Variants in STPG2 observed in about 807,000 individuals in gnomAD.
The protein encoded by STPG2 is sperm tail PG-rich repeat containing 2, also known as sperm-tail PG-rich repeat-containing protein 2.
A neutral mutation model predicts 54.2 loss-of-function variants in STPG2; 56 were observed. The observed-to-expected ratio is 1.03, with a 90% confidence interval of 0.83 to 1.29. The LOEUF is 1.29. Ranked by LOEUF, STPG2 falls within the 50% of genes most tolerant of loss-of-function variation. The probability of loss-of-function intolerance (pLI) is 0.00; values close to 1 mark genes in which losing one functional copy is unlikely to be tolerated. For missense variants in STPG2, 596 were observed against 544.9 expected, an observed-to-expected ratio of 1.09 and a Z score of -0.93; for synonymous variants, 200 against 181.8, an observed-to-expected ratio of 1.10 and a Z score of -0.81.
intron 4 of STPG2, among the ~76,000 whole-genome samples, chr4:97,455,998 A>T (rs1458190184): frequency 1.3e-5 from 2 of 152,238 alleles, no homozygotes; most frequent in African/African-American, 4.8e-5. Context: ...TATTTTACAT[A>T]CAACAATATC....
At chr4:97,695,553 A>T (rs1723541887) in intron 10 of STPG2, among the ~76,000 whole-genome samples, 1 of 152,200 alleles carries the variant, frequency 6.6e-6, no homozygotes, top group African/African-American at 2.4e-5. Flanking sequence ...GAGGAAGTCA[A>T]ATTGTTGCTG....
At chr4:97,908,497 C>A (rs1464342141) in intron 8 of STPG2, among the ~76,000 whole-genome samples, 8 of 151,426 alleles carry the variant, frequency 5.3e-5, no homozygotes, top group African/African-American at 1.2e-4. Flanking sequence ...CCATTTGACC[C>A]AGCCATCCCA....
chr4:97,651,396 G>A (rs188400864), intron 10 of STPG2, among the ~76,000 whole-genome samples: 1 of 152,042 alleles, frequency 6.6e-6, no homozygotes, highest in African/African-American at 2.4e-5. Flanking sequence ...AATCTTGAGT[G>A]TAAAATAGCT....
At chr4:97,636,092 T>G (rs1203314207) in intron 10 of STPG2, among the ~76,000 whole-genome samples, 3 of 151,784 alleles carry the variant, frequency 2.0e-5, no homozygotes, top group Non-Finnish European at 4.4e-5. Context: ...TACTTGGAAG[T>G]AAAGCTCTCC....
At chr4:97,890,919 C>A (rs2149174742) in intron 8 of STPG2, among the ~76,000 whole-genome samples, 1 of 151,588 alleles carries the variant, frequency 6.6e-6, no homozygotes, top group South Asian at 2.1e-4. Flanking sequence ...ACAAAATAAT[C>A]AAAATTCACG....
chr4:97,845,030 T>C (rs1728907643), intron 8 of STPG2, among the ~76,000 whole-genome samples: 1 of 152,040 alleles, frequency 6.6e-6, no homozygotes, highest in African/African-American at 2.4e-5. Context: ...TTTCTTTGCT[T>C]GCTTCTATTA....
At chr4:97,784,633 C>G (rs920078538) in intron 9 of STPG2, among the ~76,000 whole-genome samples, 1 of 151,886 alleles carries the variant, frequency 6.6e-6, no homozygotes, top group African/African-American at 2.4e-5. Context: ...AGTAGGAATA[C>G]AGCAGAAACT....
intron 8 of STPG2, among the ~76,000 whole-genome samples, chr4:97,914,673 G>A (rs1292115006): frequency 1.3e-5 from 2 of 152,106 alleles, no homozygotes; most frequent in Non-Finnish European, 2.9e-5. Flanking sequence ...GACCAGAAGT[G>A]TTTTGGACTT....
At chr4:97,515,185 C>T (rs1188188639) in intron 4 of STPG2, among the ~76,000 whole-genome samples, 2 of 152,038 alleles carry the variant, frequency 1.3e-5, no homozygotes, top group Admixed American at 6.6e-5. Context: ...TAAGAATTTG[C>T]ACGCTTGTAA....
chr4:97,962,710 G>A (rs916951423), intron 7 of STPG2, among the ~76,000 whole-genome samples: 4 of 152,164 alleles, frequency 2.6e-5, no homozygotes, highest in African/African-American at 9.7e-5. Flanking sequence ...TTTTAGGTAT[G>A]TACTATTATG....
At chr4:98,103,111 C>T (rs1323793459) in intron 5 of STPG2, among the ~76,000 whole-genome samples, 1 of 151,236 alleles carries the variant, frequency 6.6e-6, no homozygotes, top group African/African-American at 2.4e-5. Context: ...TCCATGAGCT[C>T]TTCTTTTAAA....
chr4:97,479,507 G>A (rs1246674906), intron 4 of STPG2, among the ~76,000 whole-genome samples: 1 of 151,824 alleles, frequency 6.6e-6, no homozygotes, highest in Non-Finnish European at 1.5e-5. Context: ...ATAATTTAGT[G>A]GACTATAAAT....
chr4:98,015,430 T>C (rs1466135933), intron 5 of STPG2, among the ~76,000 whole-genome samples: 1 of 152,144 alleles, frequency 6.6e-6, no homozygotes, highest in Non-Finnish European at 1.5e-5. Context: ...AAGAAGACAT[T>C]TATGCGGCCA....
chr4:98,018,586 T>A (rs1351261580), intron 5 of STPG2, among the ~76,000 whole-genome samples: 1 of 152,184 alleles, frequency 6.6e-6, no homozygotes, highest in Non-Finnish European at 1.5e-5. Context: ...CCCTGAGGAA[T>A]CACCACACTG....
chr4:97,834,958 G>C (rs1728587323), intron 9 of STPG2, among the ~76,000 whole-genome samples: 1 of 152,006 alleles, frequency 6.6e-6, no homozygotes, highest in South Asian at 2.1e-4. Context: ...TTAGGATTAA[G>C]GGTTCTCTTA....
At chr4:97,637,323 A>G (rs57136798) in intron 10 of STPG2, among the ~76,000 whole-genome samples, 20,709 of 151,506 alleles carry the variant, frequency 0.14, 4,116 homozygotes, top group African/African-American at 0.44. Flanking sequence ...CAGTAAATTA[A>G]GTATTGATGG....
chr4:97,779,955 C>T (rs141739223), intron 9 of STPG2, among the ~76,000 whole-genome samples: 24,963 of 150,824 alleles, frequency 0.17, 2,242 homozygotes, highest in East Asian at 0.36. Context: ...AAGGAACAAC[C>T]GGTACCAGCC....
chr4:98,128,420 A>G lies in STPG2; in HGVS notation c.387+8T>C. The G allele has an allele frequency of 6.3e-7, 1 of 1,585,392 alleles. No individual in the cohort carries two copies. On this transcript the variant is annotated splice_region_variant and intron_variant, in intron 3 of 10. Coordinates refer to ENST00000295268, the MANE Select transcript of STPG2 (RefSeq NM_174952.3). ...TCCAATTGTCAATATGAAATACATT[A>G]TACTTACAAATTGAGGTTTGTAGTA...
intron 8 of STPG2, among the ~76,000 whole-genome samples, chr4:97,900,380 A>T (rs1226068059): frequency 6.6e-6 from 1 of 152,136 alleles, no homozygotes; most frequent in Non-Finnish European, 1.5e-5. Flanking sequence ...TCAAAGAGCT[A>T]AAAGCAGAAT....
Sources: allele counts gnomAD v4.1 joint callset (sites outside exome capture counted in the v4.1 genomes callset), GRCh38; gene constraint gnomAD v4.1.1; transcripts MANE v1.5; gene names NCBI Gene and HGNC (gene_info 2026-07-23, HGNC 2026-07-21).